The following FHIP1A variants were observed in gnomAD, a reference collection of about 807,000 sequenced individuals.
FHIP1A encodes FHF complex subunit HOOK interacting protein 1A, also known as FHF complex subunit HOOK-interacting protein 1A.
FHIP1A carries 61 observed loss-of-function variants against 88.6 expected under a neutral mutation model. The observed-to-expected ratio is 0.69, with a 90% confidence interval of 0.56 to 0.85. The LOEUF is 0.85. Among genes scored for constraint, FHIP1A ranks in the 40% least tolerant of loss-of-function variants. The pLI, the probability that FHIP1A is intolerant of heterozygous loss-of-function variation, is 0.00. For synonymous variants in FHIP1A, 478 were observed against 496.0 expected, an observed-to-expected ratio of 0.96 and a Z score of 0.48; for missense variants, 1,154 against 1,273.5, an observed-to-expected ratio of 0.91 and a Z score of 1.43.
At chr4:151,599,078 A>T (rs1338165892) in intron 7 of FHIP1A, among the ~76,000 whole-genome samples, 1 of 152,200 alleles carries the variant, frequency 6.6e-6, no homozygotes, top group Non-Finnish European at 1.5e-5. Flanking sequence ...GAGATAAGGG[A>T]TTGGAAGCCT....
intron 5 of FHIP1A, among the ~76,000 whole-genome samples, chr4:151,578,878 A>AAGTGG (rs1321537756): frequency 1.3e-5 from 2 of 152,224 alleles, no homozygotes; most frequent in African/African-American, 4.8e-5. Flanking sequence ...TAGACAAATA[A>AAGTGG]AGTGGGGATA....
chr4:151,418,198 A>AC (rs1732971687), intron 1 of FHIP1A, among the ~76,000 whole-genome samples: 3 of 151,038 alleles, frequency 2.0e-5, no homozygotes, highest in Non-Finnish European at 4.4e-5. Context: ...AAAAAAAACA[A>AC]GAGAAACTCT....
At chr4:151,651,513 G>A (rs545192865) in intron 11 of FHIP1A, among the ~76,000 whole-genome samples, 1 of 152,300 alleles carries the variant, frequency 6.6e-6, no homozygotes, top group African/African-American at 2.4e-5. Flanking sequence ...GCCAGGGATT[G>A]AGTCCTGGTT....
At chr4:151,631,482 C>G (rs766992454) in intron 8 of FHIP1A, among the ~76,000 whole-genome samples, 3 of 151,870 alleles carry the variant, frequency 2.0e-5, no homozygotes, top group Non-Finnish European at 4.4e-5. Flanking sequence ...CAAAGAAAAG[C>G]CCAGACCCAG....
At position 151,652,651 on chromosome 4, in the gene FHIP1A, G is replaced by A. The variant is rs1220895818; in HGVS notation, c.2551+2059G>A. 3.3e-5 allele frequency among the ~76,000 whole-genome samples: 5 copies of A among 152,228 alleles called. No homozygotes were observed. The East Asian group carries it at 9.6e-4, about 29-fold the overall frequency. ...TGCATGATTAGTTGTCATATGCCAA[G>A]ACCAGTGGGAACCCAGTGAGGGGAG... On this transcript the variant is annotated intron_variant, in intron 11 of 13. Transcript: ENST00000435205.
At chr4:151,427,450 C>T (rs908046077) in intron 1 of FHIP1A, among the ~76,000 whole-genome samples, 1 of 151,962 alleles carries the variant, frequency 6.6e-6, no homozygotes, top group East Asian at 1.9e-4. Context: ...CTAGTAAAAC[C>T]CAGCTCCTTC....
chr4:151,507,336 C>T (rs371384739), intron 3 of FHIP1A, among the ~76,000 whole-genome samples: 1 of 152,166 alleles, frequency 6.6e-6, no homozygotes, highest in East Asian at 1.9e-4. Context: ...ATTGCCCAGG[C>T]TAGTCTCCAA....
intron 9 of FHIP1A, among the ~76,000 whole-genome samples, chr4:151,640,438 GT>G (rs1158383335): frequency 6.6e-6 from 1 of 152,194 alleles, no homozygotes; most frequent in South Asian, 2.1e-4. Context: ...ACCCTGGGTA[GT>G]CTGGGTAGAA....
In FHIP1A at chr4:151,657,472, AGAGT is replaced by A. The variant is rs562083915; in HGVS notation, c.2869+578_2869+581del. Among the ~76,000 whole-genome samples the A allele has an allele frequency of 1.4e-4, 21 of 152,034 alleles. No homozygotes were observed. The South Asian group carries it at 4.2e-3, about 30-fold the overall frequency. On this transcript the variant is annotated intron_variant, in intron 13 of 13. Transcript: ENST00000435205. The stretch of plus-strand genomic sequence containing the variant: ...GGAGATGTTAGGCCAGGGCCCTGGC[AGAGT>A]GAGGAGTGGGGGTGGGGGCATGGGT...
At chr4:151,577,320 C>A (rs1415245139) in intron 4 of FHIP1A, 130 bp from the exon 5 acceptor site, 1 of 749,870 alleles carries the variant, frequency 1.3e-6, no homozygotes, top group Non-Finnish European at 2.2e-6. Flanking sequence ...CACACACACA[C>A]AATGCCCACA....
chr4:151,489,926 T>C (rs1270827714), intron 3 of FHIP1A, among the ~76,000 whole-genome samples: 2 of 152,168 alleles, frequency 1.3e-5, no homozygotes, highest in Non-Finnish European at 2.9e-5. Flanking sequence ...GGAAGTTCTA[T>C]GGCCCCACCC....
At chr4:151,648,239 T>A (rs1381889390) in intron 10 of FHIP1A, among the ~76,000 whole-genome samples, 2 of 152,188 alleles carry the variant, frequency 1.3e-5, no homozygotes, top group African/African-American at 4.8e-5. Flanking sequence ...TTTTCTTATC[T>A]GTAAAATAGT....
intron 7 of FHIP1A, among the ~76,000 whole-genome samples, chr4:151,618,604 T>G (rs1735630070): frequency 6.6e-6 from 1 of 152,206 alleles, no homozygotes; most frequent in Non-Finnish European, 1.5e-5. Flanking sequence ...CGCCAAAATC[T>G]GTGGAGGAAG....
intron 3 of FHIP1A, among the ~76,000 whole-genome samples, chr4:151,556,901 G>C (rs1362661146): frequency 6.6e-6 from 1 of 151,974 alleles, no homozygotes; most frequent in African/African-American, 2.4e-5. Flanking sequence ...AGTGCCTACT[G>C]CTTTGTTGGA....
intron 3 of FHIP1A, among the ~76,000 whole-genome samples, chr4:151,504,177 A>G (rs1052844105): frequency 2.0e-5 from 3 of 152,210 alleles, no homozygotes; most frequent in Non-Finnish European, 4.4e-5. Context: ...TTTAACTGGA[A>G]TAGCATCTCT....
In FHIP1A at chr4:151,662,829, C is replaced by G; in HGVS notation, c.*75C>G. ...TCTTGACTGAATGTTAAATGCAAAG[C>G]TGCTTACAAAGATTTCTACTTTAAT... On this transcript the variant is annotated 3_prime_UTR_variant, in exon 14 of 14. Transcript: ENST00000435205. The G allele has an allele frequency of 7.8e-7, 1 of 1,288,142 alleles. No individual in the cohort carries two copies. Among genetic ancestry groups the G allele is most frequent in the Non-Finnish European group, 1.0e-6 (1 of 970,100 alleles). 79.8% of individuals were successfully genotyped at this position (1,288,142 alleles called of 1,614,324 possible). A position where few individuals can be genotyped will look rare whatever the true frequency, so the allele number is the denominator to read the frequency against.
chr4:151,666,943 G>A lies in FHIP1A; in HGVS notation c.*4189G>A, dbSNP rs929713036. On this transcript the variant is annotated 3_prime_UTR_variant, in exon 14 of 14. Coordinates refer to ENST00000435205, the MANE Select transcript of FHIP1A (RefSeq NM_001109977.3). ...TAATTTTAAATGGTCCCGGCGTGGT[G>A]TTCAGTATCTGCATATGCCCCAGTT... Among the ~76,000 whole-genome samples the A allele has an allele frequency of 1.3e-5, 2 of 152,194 alleles. No individual in the cohort carries two copies. The highest frequency in any genetic ancestry group is 2.9e-5 in the Non-Finnish European group (2 of 68,042).
intron 2 of FHIP1A, among the ~76,000 whole-genome samples, chr4:151,470,646 C>T (rs1247038291): frequency 6.6e-6 from 1 of 152,012 alleles, no homozygotes; most frequent in Non-Finnish European, 1.5e-5. Flanking sequence ...TGGGGACATA[C>T]AAAATATCGG....
At chr4:151,585,650 A>C (rs967244629) in intron 5 of FHIP1A, among the ~76,000 whole-genome samples, 1 of 152,238 alleles carries the variant, frequency 6.6e-6, no homozygotes, top group Non-Finnish European at 1.5e-5. Flanking sequence ...AGGTAAAATC[A>C]ACAAGCACTC....
Sources: allele counts gnomAD v4.1 joint callset (sites outside exome capture counted in the v4.1 genomes callset), GRCh38; gene constraint gnomAD v4.1.1; transcripts MANE v1.5; gene names NCBI Gene and HGNC (gene_info 2026-07-23, HGNC 2026-07-21).